ERAP1: variants seen among roughly 807,000 people sequenced by gnomAD.
The protein encoded by ERAP1 is endoplasmic reticulum aminopeptidase 1.
In ERAP1, 86 loss-of-function variants were observed where a neutral mutation model predicts 103.7. The observed-to-expected ratio is 0.83, with a 90% confidence interval of 0.70 to 0.99. ERAP1 has a LOEUF of 0.99. ERAP1 is among the 50% of genes least tolerant of loss of function. ERAP1 has a pLI of 0.00. For synonymous variants in ERAP1, 398 were observed against 402.4 expected (o/e 0.99, Z 0.13); for missense variants, 1,009 against 1,128.4 (o/e 0.89, Z 1.52).
the ERAP1 span, among the ~76,000 whole-genome samples, chr5:96,843,294 G>A: frequency 6.6e-6 from 1 of 152,118 alleles, no homozygotes; most frequent in Non-Finnish European, 1.5e-5. Flanking sequence ...CCTGCAATCA[G>A]TCTGATTGGT....
chr5:96,859,260 A>T, the ERAP1 span, among the ~76,000 whole-genome samples: 3 of 152,094 alleles, frequency 2.0e-5, no homozygotes, highest in Non-Finnish European at 4.4e-5. Context: ...GGGGCTGTCA[A>T]TGGAAAGCCT....
intron 5 of ERAP1, 57 bp downstream of exon 5, chr5:96,794,985 C>G (rs1360117768): frequency 6.2e-7 from 1 of 1,602,140 alleles, no homozygotes; most frequent in African/African-American, 1.3e-5. Context: ...ATTATAATGA[C>G]AAATCTATGA....
the ERAP1 span, among the ~76,000 whole-genome samples, chr5:96,841,747 C>CTTTTTTTTTTTTTTT: frequency 9.2e-6 from 1 of 108,548 alleles, no homozygotes; most frequent in Non-Finnish European, 1.8e-5. Context: ...TCTTCTTCTT[C>CTTTTTTTTTTTTTTT]TTTTTTTTTT....
the ERAP1 span, among the ~76,000 whole-genome samples, chr5:96,856,827 T>C: frequency 6.6e-6 from 1 of 152,212 alleles, no homozygotes; most frequent in East Asian, 1.9e-4. Flanking sequence ...GATCCAAATA[T>C]CAATATTTTA....
At chr5:96,793,986 C>T in intron 5 of ERAP1, 29 bp from the exon 6 acceptor site, 1 of 1,611,434 alleles carries the variant, frequency 6.2e-7, no homozygotes, top group South Asian at 1.1e-5. Flanking sequence ...AAATACATTA[C>T]CAGTCTCTAA....
At chr5:96,845,835 T>A in the ERAP1 span, among the ~76,000 whole-genome samples, 1 of 152,192 alleles carries the variant, frequency 6.6e-6, no homozygotes, top group Non-Finnish European at 1.5e-5. Context: ...ACATGCAAAC[T>A]TTTGTATATG....
At chr5:96,783,801 T>A in intron 14 of ERAP1, 123 bp downstream of exon 14, 1 of 1,039,630 alleles carries the variant, frequency 9.6e-7, no homozygotes. Flanking sequence ...TGCTTTTCCT[T>A]AATATGTATA....
At chr5:96,811,663 C>A (rs1779166769), upstream of ERAP1, among the ~76,000 whole-genome samples, 1 of 152,208 alleles carries the variant, frequency 6.6e-6, no homozygotes, top group Non-Finnish European at 1.5e-5. Flanking sequence ...TATTACCATA[C>A]AACAGAGCAC....
At chr5:96,911,316 T>C in the ERAP1 span, among the ~76,000 whole-genome samples, 1 of 152,234 alleles carries the variant, frequency 6.6e-6, no homozygotes, top group East Asian at 1.9e-4. Context: ...CAATGCTCTG[T>C]GTTGTGTTTT....
At chr5:96,879,946 C>A in the ERAP1 span, 2 of 1,614,180 alleles carry the variant, frequency 1.2e-6, no homozygotes, top group Non-Finnish European at 1.7e-6. Flanking sequence ...CCAATCTCAC[C>A]TCTCTGGACT....
At chr5:96,762,331 G>C (rs753179845) in exon 20 of ERAP1, 1 of 1,607,446 alleles carries the variant, frequency 6.2e-7, no homozygotes, top group Non-Finnish European at 8.5e-7. Context: ...CCAAACCCCA[G>C]CTTCAACGAC....
chr5:96,903,928 T>C, the ERAP1 span, among the ~76,000 whole-genome samples: 3 of 152,152 alleles, frequency 2.0e-5, no homozygotes, highest in East Asian at 3.9e-4. Flanking sequence ...AGCACCAAAG[T>C]CCCAAATGGC....
chr5:96,906,010 C>T, the ERAP1 span, among the ~76,000 whole-genome samples: 1 of 150,256 alleles, frequency 6.7e-6, no homozygotes, highest in Non-Finnish European at 1.5e-5. Context: ...AATTCCTGGC[C>T]TCAAGCACTT....
chr5:96,841,593 A>G, the ERAP1 span, among the ~76,000 whole-genome samples: 1 of 152,214 alleles, frequency 6.6e-6, no homozygotes, highest in Non-Finnish European at 1.5e-5. Flanking sequence ...AGTTCCTGCA[A>G]GGGAAATTTC....
chr5:96,786,598 A>G, intron 11 of ERAP1, 49 bp from the exon 12 acceptor site: 3 of 1,252,444 alleles, frequency 2.4e-6, no homozygotes, highest in Non-Finnish European at 3.5e-6. Flanking sequence ...CAATTCAACA[A>G]GCAGTTATTA....
At chr5:96,886,729 T>C in the ERAP1 span, 5 of 1,548,758 alleles carry the variant, frequency 3.2e-6, no homozygotes, top group South Asian at 2.4e-5. Context: ...GTACATACCT[T>C]GTAGCCTACA....
chr5:96,926,068 G>A, the ERAP1 span, among the ~76,000 whole-genome samples: 34 of 152,026 alleles, frequency 2.2e-4, no homozygotes, highest in African/African-American at 7.0e-4. Context: ...GTGCCACCAC[G>A]CCCGACTAAT....
intron 16 of ERAP1, 114 bp downstream of exon 16, chr5:96,781,579 T>C: frequency 1.5e-6 from 2 of 1,353,996 alleles, no homozygotes; most frequent in Non-Finnish European, 2.1e-6. Flanking sequence ...ACTTGCAGTA[T>C]GTTCCCAGCA....
intron 7 of ERAP1, among the ~76,000 whole-genome samples, chr5:96,792,597 C>T (rs959211804): frequency 6.6e-6 from 1 of 152,052 alleles, no homozygotes; most frequent in Non-Finnish European, 1.5e-5. Context: ...AATGGAGAAC[C>T]TTAACCAGCT....
Sources: gnomAD v4.1 joint callset for allele counts (sites outside exome capture counted in the v4.1 genomes callset) on GRCh38, gnomAD v4.1.1 for gene constraint, MANE v1.5 for transcripts, NCBI Gene and HGNC (gene_info 2026-07-23, HGNC 2026-07-21) for gene names.